Variants in TEX36 observed in about 807,000 individuals in gnomAD.
TEX36 encodes testis expressed 36, also known as testis-expressed protein 36.
Under a neutral mutation model 13.6 loss-of-function variants are expected in TEX36, and 12 were observed. That is an observed-to-expected ratio of 0.88 (90% confidence interval 0.56 to 1.43). TEX36 has a LOEUF of 1.43. Among genes scored for constraint, TEX36 ranks in the 40% most tolerant of loss-of-function variants. TEX36 has a pLI of 0.00. For missense variants in TEX36, 224 were observed against 228.3 expected, an observed-to-expected ratio of 0.98 and a Z score of 0.12; for synonymous variants, 93 against 83.0, an observed-to-expected ratio of 1.12 and a Z score of -0.65.
downstream of TEX36, among the ~76,000 whole-genome samples, chr10:125,653,219 A>C (rs1846889827): frequency 6.6e-6 from 1 of 152,164 alleles, no homozygotes; most frequent in Non-Finnish European, 1.5e-5. Context: ...TCACAATAGC[A>C]AAGACTTGGA....
rs75169737 is a variant in TEX36, at chr10:125,666,778, C to T, written c.52-4801G>A. 133 of 234,802 alleles carry T rather than the reference C, an allele frequency of 5.7e-4. 3 individuals carry two copies. The East Asian group carries it at 0.013, about 23-fold the overall frequency. The allele number at this position is 234,802 out of a possible 1,614,324, so 14.5% of individuals were successfully genotyped here. A position where few individuals can be genotyped will look rare whatever the true frequency, so the allele number is the denominator to read the frequency against. ...CACTGTCACGAGGGAGGCAAGAGCA[C>T]GGGCAAGCCAACCTGGAGACCTGAG... On this transcript the variant is annotated intron_variant, in intron 1 of 3. Coordinates refer to ENST00000368821, the MANE Select transcript of TEX36 (RefSeq NM_001128202.3).
chr10:125,595,078 G>A (rs1846064257), intron 3 of TEX36, among the ~76,000 whole-genome samples: 1 of 152,178 alleles, frequency 6.6e-6, no homozygotes, highest in Non-Finnish European at 1.5e-5. Flanking sequence ...TGTTCTTTAT[G>A]TCACAGGGTT....
chr10:125,592,160 A>G (rs1014989207), intron 3 of TEX36, among the ~76,000 whole-genome samples: 1 of 152,162 alleles, frequency 6.6e-6, no homozygotes, highest in African/African-American at 2.4e-5. Context: ...GAAATGCCCA[A>G]CTTTTTTGGA....
chr10:125,674,295 T>C (rs1847279165), intron 1 of TEX36, among the ~76,000 whole-genome samples: 1 of 152,196 alleles, frequency 6.6e-6, no homozygotes, highest in African/African-American at 2.4e-5. Context: ...CTCTCTAAAC[T>C]GGTTATTCTG....
chr10:125,617,748 T>C (rs1846377033), downstream of TEX36, among the ~76,000 whole-genome samples: 1 of 152,218 alleles, frequency 6.6e-6, no homozygotes, highest in African/African-American at 2.4e-5. Flanking sequence ...CTTTGGTGAA[T>C]CTGACAATTA....
chr10:125,621,677 T>G, intron 3 of TEX36: 2 of 455,892 alleles, frequency 4.4e-6, no homozygotes, highest in Non-Finnish European at 8.8e-6. Flanking sequence ...AGTAGCTCAG[T>G]TCAAGTCTGA....
intron 3 of TEX36, among the ~76,000 whole-genome samples, chr10:125,643,519 G>A (rs560083347): frequency 7.3e-4 from 111 of 152,238 alleles, no homozygotes; most frequent in Non-Finnish European, 1.4e-3. Flanking sequence ...TGAGGAGGGC[G>A]GATCACGAGG....
chr10:125,640,523 C>T (rs1846675085), intron 3 of TEX36, among the ~76,000 whole-genome samples: 1 of 152,164 alleles, frequency 6.6e-6, no homozygotes, highest in Admixed American at 6.5e-5. Flanking sequence ...ATAGCCATAA[C>T]ATGTTTACTT....
At chr10:125,660,872 T>A (rs182652965) in intron 3 of TEX36, 149 bp downstream of exon 3, 182 of 642,744 alleles carry the variant, frequency 2.8e-4, no homozygotes, top group African/African-American at 2.0e-3. Flanking sequence ...ATTTTTTTTT[T>A]AATCTGTTAT....
rs368722445 is a variant in TEX36, at chr10:125,660,314, G to A, written c.264+707C>T. Among the ~76,000 whole-genome samples, 43 of 151,966 alleles carry A rather than the reference G, an allele frequency of 2.8e-4. No homozygotes were observed. In the South Asian group the frequency reaches 8.5e-3, roughly 30 times the overall value. ...TAATTTTTTAATGTTTTGTAGACACGGGGTCTTACTATGTAGCCCAGGCTG... is the reference window on the plus strand; with the variant it reads ...TAATTTTTTAATGTTTTGTAGACACAGGGTCTTACTATGTAGCCCAGGCTG... On this transcript the variant is annotated intron_variant, in intron 3 of 3. Coordinates refer to ENST00000368821, the MANE Select transcript of TEX36 (RefSeq NM_001128202.3).
chr10:125,673,694 G>A (rs986850745), intron 1 of TEX36, among the ~76,000 whole-genome samples: 1 of 127,846 alleles, frequency 7.8e-6, no homozygotes, highest in Admixed American at 8.9e-5. Flanking sequence ...TGGGCGACGA[G>A]AGAGAGACTC....
At chr10:125,658,222 A>G (rs939262919) in intron 3 of TEX36, among the ~76,000 whole-genome samples, 6 of 152,190 alleles carry the variant, frequency 3.9e-5, no homozygotes, top group Admixed American at 3.9e-4. Flanking sequence ...GGAATGGCCC[A>G]TAACATAAAG....
At chr10:125,624,824 C>A (rs1435515324) in intron 3 of TEX36, among the ~76,000 whole-genome samples, 2 of 152,006 alleles carry the variant, frequency 1.3e-5, no homozygotes, top group Non-Finnish European at 2.9e-5. Context: ...AGTGACTGTC[C>A]TTTCCGCAAG....
intron 3 of TEX36, among the ~76,000 whole-genome samples, chr10:125,630,973 A>G (rs1161258237): frequency 2.0e-5 from 3 of 151,794 alleles, no homozygotes; most frequent in Non-Finnish European, 2.9e-5. Flanking sequence ...ACTTCTCCCT[A>G]TGCTCCTGTC....
At chr10:125,592,293 CG>C (rs1400849005) in intron 3 of TEX36, among the ~76,000 whole-genome samples, 4 of 152,084 alleles carry the variant, frequency 2.6e-5, no homozygotes, top group Admixed American at 2.0e-4. Flanking sequence ...GCCAGACGTG[CG>C]TTAGGCCACC....
At chr10:125,669,530 G>T (rs1276781988) in intron 1 of TEX36, among the ~76,000 whole-genome samples, 3 of 151,106 alleles carry the variant, frequency 2.0e-5, no homozygotes, top group Non-Finnish European at 4.4e-5. Flanking sequence ...CAAAGGTTTG[G>T]GTATGTAGAG....
chr10:125,670,756 A>G (rs575925475), intron 1 of TEX36, among the ~76,000 whole-genome samples: 1 of 152,142 alleles, frequency 6.6e-6, no homozygotes, highest in South Asian at 2.1e-4. Flanking sequence ...GTCTGTCTTG[A>G]GTTAATTGTT....
chr10:125,640,068 G>A lies in TEX36; in HGVS notation c.265-18423C>T, dbSNP rs77908238. ...TTCCGCTGTGGTCACTTATTATCCC[G>A]TCAGTAGCTATATGGAACGTGGATA... On this transcript the variant is annotated intron_variant, in intron 3 of 3. Transcript: ENST00000526819. 1,060 of 705,242 alleles carry A rather than the reference G, an allele frequency of 1.5e-3. 15 individuals are homozygous for A. The East Asian group carries it at 0.036, about 24-fold the overall frequency. 43.7% of individuals were successfully genotyped at this position (705,242 alleles called of 1,614,324 possible).
At chr10:125,675,196 C>T (rs754289205) in intron 1 of TEX36, among the ~76,000 whole-genome samples, 11 of 152,202 alleles carry the variant, frequency 7.2e-5, no homozygotes, top group African/African-American at 2.4e-4. Context: ...AGTCTGGCCA[C>T]GATCTGCCAC....
Sources: gnomAD v4.1 joint callset for allele counts (sites outside exome capture counted in the v4.1 genomes callset) on GRCh38, gnomAD v4.1.1 for gene constraint, MANE v1.5 for transcripts, NCBI Gene and HGNC (gene_info 2026-07-23, HGNC 2026-07-21) for gene names.